ERICH2: variants seen among roughly 807,000 people sequenced by gnomAD.
ERICH2 encodes the protein glutamate rich 2, also known as glutamate-rich protein 2.
Under a neutral mutation model 17.4 loss-of-function variants are expected in ERICH2, and 17 were observed. That is an observed-to-expected ratio of 0.98 (90% CI 0.67 to 1.47). The LOEUF is 1.47. ERICH2 is among the 40% of genes most tolerant of loss of function. ERICH2 has a pLI of 0.00. For synonymous variants in ERICH2, 51 were observed against 61.1 expected (o/e 0.83, Z 0.77); for missense variants, 186 against 183.2 (o/e 1.01, Z -0.09).
chr2:170,792,035 A>AT (rs529191128), intron 2 of ERICH2, among the ~76,000 whole-genome samples: 1 of 152,120 alleles, frequency 6.6e-6, no homozygotes, highest in Non-Finnish European at 1.5e-5. Context: ...AGTATAGGGG[A>AT]TTTTTTTGTG....
intron 2 of ERICH2, among the ~76,000 whole-genome samples, chr2:170,787,372 C>T (rs1208445361): frequency 1.3e-5 from 2 of 152,182 alleles, no homozygotes; most frequent in Admixed American, 6.5e-5. Context: ...TTGACCCTTG[C>T]TTTTAAGCTT....
At chr2:170,782,246 A>C (rs1417861370), upstream of ERICH2, 23 of 927,852 alleles carry the variant, frequency 2.5e-5, no homozygotes, top group Non-Finnish European at 3.0e-5. Flanking sequence ...TATAGGAAGG[A>C]AGTCCCTTCT....
At chr2:170,781,655 G>A (rs1701032341), upstream of ERICH2, among the ~76,000 whole-genome samples, 1 of 108,810 alleles carries the variant, frequency 9.2e-6, no homozygotes, top group Non-Finnish European at 2.3e-5. Flanking sequence ...AAAAGACCTG[G>A]GTTTTTTTTC....
chr2:170,786,831 T>C (rs1395600925), intron 2 of ERICH2, among the ~76,000 whole-genome samples: 1 of 152,220 alleles, frequency 6.6e-6, no homozygotes, highest in Non-Finnish European at 1.5e-5. Context: ...TCTCTAGAAG[T>C]TCCATTAAGA....
At chr2:170,798,946 C>G in exon 5 of ERICH2, 1 of 1,527,292 alleles carries the variant, frequency 6.5e-7, no homozygotes. Context: ...GTATACCATG[C>G]AAATATAAAG....
intron 3 of ERICH2, among the ~76,000 whole-genome samples, chr2:170,793,668 C>T (rs534518858): frequency 1.1e-4 from 17 of 152,248 alleles, no homozygotes; most frequent in Non-Finnish European, 1.8e-4. Context: ...AAGTCAGAGG[C>T]GTCATAGGCA....
At chr2:170,777,281 C>G in the ERICH2 span, 1 of 270,992 alleles carries the variant, frequency 3.7e-6, no homozygotes, top group Non-Finnish European at 5.8e-6. Context: ...CTTATTCTAG[C>G]TAGTAGAAAT....
chr2:170,787,491 C>G (rs537730505), intron 2 of ERICH2, among the ~76,000 whole-genome samples: 3 of 152,362 alleles, frequency 2.0e-5, no homozygotes, highest in Admixed American at 1.3e-4. Context: ...ACCTTCCACT[C>G]TGGCTGGTAA....
chr2:170,794,743 A>T (rs1376433391), intron 3 of ERICH2, among the ~76,000 whole-genome samples: 1 of 151,030 alleles, frequency 6.6e-6, no homozygotes, highest in African/African-American at 2.5e-5. Context: ...TTCTTACAGT[A>T]AAGTCCTTAA....
At chr2:170,785,072 AAGTTAT>A (rs2105696092) in intron 2 of ERICH2, among the ~76,000 whole-genome samples, 1 of 152,266 alleles carries the variant, frequency 6.6e-6, no homozygotes, top group African/African-American at 2.4e-5. Context: ...TACAGTAGGG[AAGTTAT>A]AGTTAACAGT....
At chr2:170,798,972 G>A, downstream of ERICH2, 1 of 1,475,134 alleles carries the variant, frequency 6.8e-7, no homozygotes. Flanking sequence ...TGACATTTTA[G>A]TCTAATTCTT....
At chr2:170,778,514 G>A in the ERICH2 span, among the ~76,000 whole-genome samples, 1 of 151,778 alleles carries the variant, frequency 6.6e-6, no homozygotes, top group Admixed American at 6.6e-5. Flanking sequence ...GGCTTTTGTT[G>A]TAAATTATAT....
At chr2:170,795,940 A>T (rs923060980) in intron 3 of ERICH2, among the ~76,000 whole-genome samples, 1 of 152,232 alleles carries the variant, frequency 6.6e-6, no homozygotes, top group African/African-American at 2.4e-5. Context: ...TCATGCCATT[A>T]TATGTCTAAT....
At chr2:170,795,549 C>A (rs1382373458) in intron 3 of ERICH2, among the ~76,000 whole-genome samples, 3 of 152,036 alleles carry the variant, frequency 2.0e-5, no homozygotes, top group Non-Finnish European at 4.4e-5. Flanking sequence ...GGTTTCACCA[C>A]ATTGCCCAGG....
upstream of ERICH2, among the ~76,000 whole-genome samples, chr2:170,781,991 G>A (rs901673872): frequency 2.6e-5 from 4 of 152,128 alleles, no homozygotes; most frequent in African/African-American, 9.7e-5. Flanking sequence ...TTACTTAAAT[G>A]CTCTGTGTTA....
chr2:170,778,293 T>A, the ERICH2 span: 1 of 152,180 alleles, frequency 6.6e-6, no homozygotes, highest in Non-Finnish European at 1.5e-5. Context: ...AAAAAAAATC[T>A]CTATTTATTC....
upstream of ERICH2, among the ~76,000 whole-genome samples, chr2:170,781,358 G>A (rs187139625): frequency 6.6e-6 from 1 of 152,254 alleles, no homozygotes; most frequent in Admixed American, 6.5e-5. Context: ...TTGGGGGGCT[G>A]GGCACAGTGG....
At chr2:170,784,690 A>G (rs2105694961) in exon 2 of ERICH2, 2 of 1,541,792 alleles carry the variant, frequency 1.3e-6, no homozygotes, top group Non-Finnish European at 1.7e-6. Context: ...GGAGAAAAAT[A>G]ATGAATATTG....
At chr2:170,778,043 CAA>C in the ERICH2 span, 1 of 181,914 alleles carries the variant, frequency 5.5e-6, no homozygotes, top group Non-Finnish European at 1.1e-5. Context: ...TTAAAATTAA[CAA>C]ATTATTTACT....
Sources: allele counts gnomAD v4.1 joint callset (sites outside exome capture counted in the v4.1 genomes callset), GRCh38; gene constraint gnomAD v4.1.1; transcripts MANE v1.5; gene names NCBI Gene and HGNC (gene_info 2026-07-23, HGNC 2026-07-21).